Variants in LTBP2 observed in about 807,000 individuals in gnomAD.
LTBP2 encodes latent-transforming growth factor beta-binding protein 2.
In LTBP2, 103 loss-of-function variants were observed where a neutral mutation model predicts 210.6. The observed-to-expected ratio is 0.49, with a 90% CI of 0.42 to 0.58. LTBP2 has a LOEUF of 0.58. Among genes scored for constraint, LTBP2 ranks in the 20% least tolerant of loss-of-function variants. LTBP2 has a pLI of 0.00. For missense variants in LTBP2, 2,313 were observed against 2,494.5 expected, an observed-to-expected ratio of 0.93 and a Z score of 1.55; for synonymous variants, 1,007 against 1,015.0, an observed-to-expected ratio of 0.99 and a Z score of 0.15.
chr14:74,541,787 CAGA>C (rs934945134), intron 8 of LTBP2, among the ~76,000 whole-genome samples: 2 of 151,972 alleles, frequency 1.3e-5, no homozygotes, highest in Non-Finnish European at 2.9e-5. Context: ...TAGGGATACT[CAGA>C]AGGAGGTCAG....
chr14:74,600,214 AC>A (rs1018057699), intron 2 of LTBP2, among the ~76,000 whole-genome samples: 3 of 152,198 alleles, frequency 2.0e-5, no homozygotes, highest in African/African-American at 7.2e-5. Context: ...CAACAAGCAA[AC>A]AGCACAGGGA....
At chr14:74,601,177 A>G (rs138463364) in intron 2 of LTBP2, among the ~76,000 whole-genome samples, 2 of 152,258 alleles carry the variant, frequency 1.3e-5, no homozygotes, top group Non-Finnish European at 2.9e-5. Context: ...GCTGATTTTG[A>G]GTCTCAGGTT....
intron 9 of LTBP2, among the ~76,000 whole-genome samples, chr14:74,534,249 A>G (rs2087390346): frequency 6.6e-6 from 1 of 152,172 alleles, no homozygotes; most frequent in African/African-American, 2.4e-5. Context: ...GGGAGGCTCT[A>G]AACCCTAACA....
intron 30 of LTBP2, 59 bp downstream of exon 30, chr14:74,504,719 G>A: frequency 4.6e-6 from 7 of 1,527,754 alleles, no homozygotes; most frequent in Non-Finnish European, 6.4e-6. Context: ...ACCCTGTGGA[G>A]GAGCAGGCTA....
intron 8 of LTBP2, among the ~76,000 whole-genome samples, chr14:74,540,422 G>A (rs1270646982): frequency 2.0e-5 from 3 of 151,956 alleles, no homozygotes; most frequent in Admixed American, 6.6e-5. Context: ...GCAGTGAGTC[G>A]AGATCATGCC....
intron 13 of LTBP2, 91 bp from the exon 14 acceptor site, chr14:74,526,205 T>G (rs1214895578): frequency 1.4e-5 from 18 of 1,257,946 alleles, no homozygotes; most frequent in Non-Finnish European, 1.9e-5. Context: ...CCTCCGGGCT[T>G]CCTACCAGGA....
intron 3 of LTBP2, among the ~76,000 whole-genome samples, chr14:74,568,087 C>T (rs779462677): frequency 4.6e-5 from 7 of 152,182 alleles, no homozygotes; most frequent in Non-Finnish European, 8.8e-5. Flanking sequence ...GCACAAATCA[C>T]AAGAGGCCTC....
intron 1 of LTBP2, among the ~76,000 whole-genome samples, chr14:74,607,171 G>A (rs1238698138): frequency 6.6e-6 from 1 of 152,188 alleles, no homozygotes; most frequent in Non-Finnish European, 1.5e-5. Flanking sequence ...TGGTGAGAAA[G>A]TGATTCTCTT....
chr14:74,561,710 T>C (rs1183265017), intron 3 of LTBP2, among the ~76,000 whole-genome samples: 1 of 152,196 alleles, frequency 6.6e-6, no homozygotes, highest in Non-Finnish European at 1.5e-5. Context: ...AGCAACTCCA[T>C]TTTATAGCTA....
At chr14:74,543,069 A>G (rs1242395259) in intron 8 of LTBP2, among the ~76,000 whole-genome samples, 1 of 150,828 alleles carries the variant, frequency 6.6e-6, no homozygotes, top group Non-Finnish European at 1.5e-5. Context: ...TCCTGGCTGA[A>G]TTTTTTCATC....
chr14:74,515,414 G>A (rs1004764497), intron 18 of LTBP2, among the ~76,000 whole-genome samples: 3 of 151,852 alleles, frequency 2.0e-5, no homozygotes, highest in Non-Finnish European at 4.4e-5. Context: ...GTGCTATCAC[G>A]CCCAGCTAAT....
chr14:74,542,537 A>C (rs1008840822), intron 8 of LTBP2, among the ~76,000 whole-genome samples: 1 of 152,224 alleles, frequency 6.6e-6, no homozygotes, highest in African/African-American at 2.4e-5. Context: ...CCCTCTGCCC[A>C]GGGACAGACA....
At chr14:74,585,212 C>T (rs918574598) in intron 3 of LTBP2, among the ~76,000 whole-genome samples, 3 of 152,178 alleles carry the variant, frequency 2.0e-5, no homozygotes, top group African/African-American at 7.2e-5. Flanking sequence ...CCTTCTCCCA[C>T]ATGCTCCTTC....
At position 74,509,215 on chromosome 14, in the gene LTBP2, C is replaced by T. The variant is rs930301518; in HGVS notation, c.3403+23G>A. On this transcript the variant is annotated intron_variant, in intron 22 of 35. Coordinates refer to ENST00000261978, the MANE Select transcript of LTBP2 (RefSeq NM_000428.3). ...ACAGAGGGGGCATCCCATTTGTATC[C>T]TCTCCCACACAGAGGCTCATACCTT... 4.3e-6 allele frequency: 7 copies of T among 1,613,260 alleles called. No homozygotes were observed. The African/African-American group carries it at 5.3e-5, about 12-fold the overall frequency.
chr14:74,564,622 A>C (rs1272472335), intron 3 of LTBP2, among the ~76,000 whole-genome samples: 2 of 150,922 alleles, frequency 1.3e-5, no homozygotes, highest in Non-Finnish European at 2.9e-5. Flanking sequence ...TGACCTGGTG[A>C]TCCGCCCACC....
At chr14:74,528,373 C>T (rs895560744) in intron 12 of LTBP2, 110 bp downstream of exon 12, 14 of 1,265,872 alleles carry the variant, frequency 1.1e-5, no homozygotes, top group Admixed American at 3.5e-5. Context: ...TTTCCTAATG[C>T]CACAGAGATG....
rs565023857 is a variant in LTBP2 at position 74,567,363 on chromosome 14, G to T, written c.831-11670C>A. The stretch of plus-strand genomic sequence containing the variant: ...AAGCCCTGGCCCCTCGAGATCCTGC[G>T]CGGCCTTTGTTCCCTCCTGGCAGGG... On this transcript the variant is annotated intron_variant, in intron 3 of 35. Transcript: ENST00000261978. Among the ~76,000 whole-genome samples, 171 of 152,308 alleles carry T rather than the reference G, an allele frequency of 1.1e-3. 3 individuals are homozygous for T. The highest frequency in any genetic ancestry group is 4.0e-3 in the African/African-American group (166 of 41,564).
In LTBP2 at chr14:74,507,836, C is replaced by T. The variant is rs1595241435; in HGVS notation, c.3775+137G>A. On this transcript the variant is annotated intron_variant, in intron 25 of 35. Coordinates refer to ENST00000261978, the MANE Select transcript of LTBP2 (RefSeq NM_000428.3). ...GTCATCCTTGGACAGCCCCTGAGCCCTGAGTCTCAATACATACACTATTTG... is the reference window on the plus strand; with the variant it reads ...GTCATCCTTGGACAGCCCCTGAGCCTTGAGTCTCAATACATACACTATTTG... 9.2e-6 allele frequency: 11 copies of T among 1,198,110 alleles called. No homozygotes were observed. The East Asian group carries it at 2.6e-4, about 29-fold the overall frequency. 74.2% of individuals were successfully genotyped at this position (1,198,110 alleles called of 1,614,324 possible).
At chr14:74,528,164 G>T (rs2087299533) in intron 12 of LTBP2, among the ~76,000 whole-genome samples, 1 of 152,218 alleles carries the variant, frequency 6.6e-6, no homozygotes, top group Non-Finnish European at 1.5e-5. Context: ...GCAAGCACCG[G>T]CCCCAGAAGC....
Sources: allele counts gnomAD v4.1 joint callset (sites outside exome capture counted in the v4.1 genomes callset), GRCh38; gene constraint gnomAD v4.1.1; transcripts MANE v1.5; gene names NCBI Gene and HGNC (gene_info 2026-07-23, HGNC 2026-07-21).